Variants in RBP7 observed in about 807,000 individuals in gnomAD.
RBP7 encodes the protein retinoid-binding protein 7.
In RBP7, 13 loss-of-function variants were observed where a neutral mutation model predicts 16.7. The ratio of observed to expected loss-of-function variants is 0.78; its 90% confidence interval spans 0.51 to 1.24. The LOEUF is 1.24. RBP7 is among the 50% of genes most tolerant of loss of function. The pLI is 0.00. For synonymous variants in RBP7, 54 were observed against 56.2 expected, an observed-to-expected ratio of 0.96 and a Z score of 0.17; for missense variants, 145 against 159.5, an observed-to-expected ratio of 0.91 and a Z score of 0.49.
rs908963777 is a variant in RBP7 at position 10,015,769 on chromosome 1, C to T, written c.355-13C>T. The T allele has an allele frequency of 1.3e-5, 21 of 1,613,030 alleles. No individual in the cohort carries two copies. Among genetic ancestry groups the T allele is most frequent in the Non-Finnish European group, 1.5e-5 (18 of 1,179,140 alleles). On this transcript the variant is annotated splice_polypyrimidine_tract_variant and intron_variant, in intron 3 of 3. Coordinates refer to ENST00000294435, the MANE Select transcript of RBP7 (RefSeq NM_052960.3). ...AACTGATCCTTCTTTTTCCCTTCCT[C>T]CTTACGCCCTAGGAAATGTTCTGTG...
At chr1:10,002,656 T>G (rs1173351077) in intron 1 of RBP7, among the ~76,000 whole-genome samples, 1 of 151,954 alleles carries the variant, frequency 6.6e-6, no homozygotes, top group African/African-American at 2.4e-5. Context: ...CACACCACCA[T>G]GCCCAGCTAA....
chr1:10,015,940 G>GCCAC lies in RBP7; in HGVS notation c.*108_*109insCCAC. 2.0e-6 allele frequency: 2 copies of GCCAC among 982,586 alleles called. No individual in the cohort carries two copies. Among genetic ancestry groups the GCCAC allele is most frequent in the African/African-American group, 1.6e-5 (1 of 63,408 alleles). 60.9% of individuals were successfully genotyped at this position (982,586 alleles called of 1,614,324 possible). A position where few individuals can be genotyped will look rare whatever the true frequency, so the allele number is the denominator to read the frequency against. On this transcript the variant is annotated 3_prime_UTR_variant, in exon 4 of 4. Coordinates refer to ENST00000294435, the MANE Select transcript of RBP7 (RefSeq NM_052960.3). ...CATTTGGCGACGAGGACTCGTGGCT[G>GCCAC]GAGAGAGCCACACAGCGTGTAACCT...
At chr1:9,999,012 T>C (rs901806774) in intron 1 of RBP7, among the ~76,000 whole-genome samples, 15 of 152,204 alleles carry the variant, frequency 9.9e-5, no homozygotes, top group Admixed American at 9.2e-4. Flanking sequence ...ATAATTCTCA[T>C]GTGTTGTGGG....
In RBP7 at chr1:9,997,764, G is replaced by C. The variant is rs112244233; in HGVS notation, c.73+433G>C. ...GCGCCCGGGACCGAAGCCTCTGCCC[G>C]GCCACCCTCCCCGCAGCCGCCTTCC... On this transcript the variant is annotated intron_variant, in intron 1 of 3. Transcript: ENST00000294435. This position sits in a 1 kb window ranked among gnomAD's most constrained non-coding sequence, Gnocchi z 5.9. Among the ~76,000 whole-genome samples the C allele has an allele frequency of 0.03, 4,489 of 151,954 alleles. 79 individuals are homozygous for C. The highest frequency in any genetic ancestry group is 0.046 in the African/African-American group (1,905 of 41,504).
chr1:10,008,915 T>G (rs1314586696), intron 3 of RBP7, among the ~76,000 whole-genome samples: 1 of 152,184 alleles, frequency 6.6e-6, no homozygotes, highest in Non-Finnish European at 1.5e-5. Context: ...TATGTATACA[T>G]AGATATGCAT....
intron 3 of RBP7, among the ~76,000 whole-genome samples, chr1:10,010,036 T>G (rs1250208691): frequency 1.3e-5 from 2 of 152,170 alleles, no homozygotes; most frequent in African/African-American, 2.4e-5. Flanking sequence ...CCATTCCCAT[T>G]ATCCAGTTTC....
chr1:10,015,168 G>A (rs558001374), intron 3 of RBP7, among the ~76,000 whole-genome samples: 1 of 151,980 alleles, frequency 6.6e-6, no homozygotes, highest in African/African-American at 2.4e-5. Flanking sequence ...GGGGTCAGGC[G>A]CAGTAGCTCA....
intron 1 of RBP7, among the ~76,000 whole-genome samples, chr1:10,001,623 C>T (rs1296927220): frequency 2.0e-5 from 3 of 151,988 alleles, no homozygotes; most frequent in Non-Finnish European, 4.4e-5. Flanking sequence ...TGTACCCCCA[C>T]AGCAGCCAAG....
intron 3 of RBP7, 43 bp from the exon 4 acceptor site, chr1:10,015,739 A>T (rs983227775): frequency 6.4e-7 from 1 of 1,561,480 alleles, no homozygotes; most frequent in Non-Finnish European, 8.8e-7. Context: ...AACAGACCAC[A>T]TGCAAACTGA....
chr1:9,999,375 C>T (rs994673213), intron 1 of RBP7, among the ~76,000 whole-genome samples: 5 of 151,760 alleles, frequency 3.3e-5, no homozygotes, highest in African/African-American at 7.3e-5. Context: ...GGTGAAACCC[C>T]GTCTCAACTA....
At chr1:10,000,645 T>C (rs1642252252) in intron 1 of RBP7, among the ~76,000 whole-genome samples, 1 of 152,230 alleles carries the variant, frequency 6.6e-6, no homozygotes, top group East Asian at 1.9e-4. Flanking sequence ...TTCATGTACA[T>C]GTAAGGAAAA....
chr1:10,002,434 G>A (rs1642303818), intron 1 of RBP7, among the ~76,000 whole-genome samples: 1 of 152,026 alleles, frequency 6.6e-6, no homozygotes, highest in African/African-American at 2.4e-5. Flanking sequence ...CTGTTGGACT[G>A]TTGAGGTTCT....
intron 1 of RBP7, among the ~76,000 whole-genome samples, chr1:10,003,787 G>T (rs1025967876): frequency 6.6e-6 from 1 of 152,088 alleles, no homozygotes; most frequent in Non-Finnish European, 1.5e-5. Flanking sequence ...ATGGATTCTT[G>T]CTCTGTCACC....
At chr1:10,014,153 G>A (rs1357901857) in intron 3 of RBP7, among the ~76,000 whole-genome samples, 1 of 152,098 alleles carries the variant, frequency 6.6e-6, no homozygotes, top group African/African-American at 2.4e-5. Flanking sequence ...GGGAAGAGGG[G>A]CTGGAGATTG....
intron 1 of RBP7, chr1:10,006,915 G>A: frequency 2.3e-6 from 1 of 426,972 alleles, no homozygotes; most frequent in Non-Finnish European, 4.6e-6. Context: ...AGGCTGGGTT[G>A]GGGGGCCTAA....
chr1:10,003,450 A>G (rs1032724298), intron 1 of RBP7, among the ~76,000 whole-genome samples: 2 of 152,080 alleles, frequency 1.3e-5, no homozygotes, highest in Admixed American at 6.6e-5. Flanking sequence ...AAACAAACAA[A>G]CAAAAACAAA....
intron 3 of RBP7, among the ~76,000 whole-genome samples, chr1:10,010,583 A>AT (rs144226167): frequency 0.034 from 4,500 of 132,402 alleles, 121 homozygotes; most frequent in African/African-American, 0.08. Flanking sequence ...TGCCCAGCTA[A>AT]TTTTTTTTTT....
intron 3 of RBP7, among the ~76,000 whole-genome samples, chr1:10,010,566 G>A (rs1490112994): frequency 6.7e-6 from 1 of 150,288 alleles, no homozygotes; most frequent in East Asian, 2.0e-4. Context: ...ACAGGCACCC[G>A]CCACCATGCC....
chr1:10,001,555 C>A (rs1393457092), intron 1 of RBP7, among the ~76,000 whole-genome samples: 1 of 152,040 alleles, frequency 6.6e-6, no homozygotes, highest in Non-Finnish European at 1.5e-5. Context: ...AATCCTCCTG[C>A]CTCTGCCTTG....
Sources: allele counts gnomAD v4.1 joint callset (sites outside exome capture counted in the v4.1 genomes callset), GRCh38; gene constraint gnomAD v4.1.1; non-coding constraint Gnocchi (gnomAD v3.1); transcripts MANE v1.5; gene names NCBI Gene and HGNC (gene_info 2026-07-23, HGNC 2026-07-21).